The following FAM107B variants were observed in gnomAD, a reference collection of about 807,000 sequenced individuals.
FAM107B encodes family with sequence similarity 107 member B.
In FAM107B, 21 loss-of-function variants were observed where a neutral mutation model predicts 31.5. The ratio of observed to expected loss-of-function variants is 0.67; its 90% CI spans 0.47 to 0.96. The LOEUF is 0.96. Among genes scored for constraint, FAM107B ranks in the 40% least tolerant of loss-of-function variants. FAM107B has a pLI of 0.00. For missense variants in FAM107B, 452 were observed against 377.1 expected (o/e 1.20, Z -1.64); for synonymous variants, 157 against 141.5 (o/e 1.11, Z -0.78).
At chr10:14,635,203 TAGGGGTCAGTC>T in intron 2 of FAM107B, among the ~76,000 whole-genome samples, 1 of 148,396 alleles carries the variant, frequency 6.7e-6, no homozygotes, top group Non-Finnish European at 1.5e-5. Flanking sequence ...AGAACTAGGG[TAGGGGTCAGTC>T]AGGGGCCATG....
rs1158071761 is a variant in FAM107B, at chr10:14,632,942, T to C, written c.469+34692A>G. ...GGCCAGGCACAGTGGCTCACACCTG[T>C]AATCCCAGCACTTTGGGAAGCCAAG... is the stretch of plus-strand genomic sequence containing the variant. On this transcript the variant is annotated intron_variant, in intron 2 of 4. Coordinates refer to ENST00000181796, the MANE Select transcript of FAM107B (RefSeq NM_031453.4). Among the ~76,000 whole-genome samples the C allele has an allele frequency of 2.6e-5, 4 of 152,220 alleles. 1 individual carries two copies. The East Asian group carries it at 7.7e-4, about 29-fold the overall frequency.
intron 1 of FAM107B, among the ~76,000 whole-genome samples, chr10:14,765,869 G>C (rs1209379412): frequency 1.3e-5 from 2 of 152,158 alleles, no homozygotes; most frequent in African/African-American, 4.8e-5. Context: ...GTTTGTACCA[G>C]AAAATGGAAA....
At chr10:14,528,446 T>G (rs1444331148) in intron 3 of FAM107B, among the ~76,000 whole-genome samples, 3 of 152,170 alleles carry the variant, frequency 2.0e-5, no homozygotes, top group African/African-American at 7.2e-5. Flanking sequence ...CTTCTCAAAG[T>G]GGTGGGATTA....
intron 2 of FAM107B, among the ~76,000 whole-genome samples, chr10:14,621,639 C>G (rs1274507345): frequency 1.3e-5 from 2 of 152,224 alleles, no homozygotes; most frequent in African/African-American, 4.8e-5. Flanking sequence ...ATACATGGCC[C>G]TGAGAACTCC....
At chr10:14,749,984 T>C (rs75996519) in intron 1 of FAM107B, among the ~76,000 whole-genome samples, 7,415 of 152,146 alleles carry the variant, frequency 0.049, 355 homozygotes, top group African/African-American at 0.12. Flanking sequence ...TCAGAGGCCA[T>C]CTTGAAGAGC....
At chr10:14,579,789 C>T (rs1851575842) in intron 2 of FAM107B, among the ~76,000 whole-genome samples, 1 of 152,058 alleles carries the variant, frequency 6.6e-6, no homozygotes, top group African/African-American at 2.4e-5. Context: ...ATTTGGGAGG[C>T]TGAGGACAGA....
At chr10:14,568,244 GT>G (rs1426898398) in intron 2 of FAM107B, among the ~76,000 whole-genome samples, 4 of 151,838 alleles carry the variant, frequency 2.6e-5, no homozygotes, top group Admixed American at 6.6e-5. Context: ...CACATACAGG[GT>G]GGGAGAAGGT....
intron 1 of FAM107B, among the ~76,000 whole-genome samples, chr10:14,765,265 G>A (rs114431601): frequency 3.3e-4 from 50 of 152,216 alleles, no homozygotes; most frequent in African/African-American, 1.1e-3. Flanking sequence ...AATATAAGTC[G>A]ATGCCTTTCA....
At chr10:14,686,561 C>A (rs1854993755) in intron 1 of FAM107B, among the ~76,000 whole-genome samples, 1 of 152,104 alleles carries the variant, frequency 6.6e-6, no homozygotes, top group Non-Finnish European at 1.5e-5. Context: ...CTCAACAATG[C>A]CTCTGGTTTC....
At chr10:14,663,053 C>T (rs774417515) in intron 2 of FAM107B, among the ~76,000 whole-genome samples, 33 of 152,226 alleles carry the variant, frequency 2.2e-4, no homozygotes, top group Admixed American at 7.9e-4. Flanking sequence ...ATGCTGGATG[C>T]TTCCTGCCCT....
intron 2 of FAM107B, among the ~76,000 whole-genome samples, chr10:14,615,037 T>C (rs1852815931): frequency 6.6e-6 from 1 of 152,134 alleles, no homozygotes; most frequent in East Asian, 1.9e-4. Flanking sequence ...TTTTTAAAAA[T>C]GGCAGAAACT....
intron 2 of FAM107B, among the ~76,000 whole-genome samples, chr10:14,599,896 G>T (rs1588648282): frequency 6.7e-6 from 1 of 149,442 alleles, no homozygotes; most frequent in African/African-American, 2.5e-5. Flanking sequence ...TACATCTCAT[G>T]AATCTCAGAA....
intron 1 of FAM107B, among the ~76,000 whole-genome samples, chr10:14,671,872 T>A (rs1588696777): frequency 3.0e-5 from 1 of 33,568 alleles, no homozygotes; most frequent in Non-Finnish European, 9.7e-5. Flanking sequence ...CCCTTTTATT[T>A]AAAAAAAAAA....
chr10:14,761,877 G>A (rs966379613), intron 1 of FAM107B, among the ~76,000 whole-genome samples: 2 of 152,134 alleles, frequency 1.3e-5, no homozygotes, highest in Admixed American at 6.5e-5. Flanking sequence ...GAGATTACAG[G>A]CATCCGCCAC....
At chr10:14,595,233 G>A (rs1023611381) in intron 2 of FAM107B, among the ~76,000 whole-genome samples, 4 of 152,026 alleles carry the variant, frequency 2.6e-5, no homozygotes, top group South Asian at 2.1e-4. Context: ...AAATTATACC[G>A]CAATAAAGCT....
At chr10:14,715,504 A>C (rs1177337019) in intron 1 of FAM107B, among the ~76,000 whole-genome samples, 1 of 152,222 alleles carries the variant, frequency 6.6e-6, no homozygotes, top group Non-Finnish European at 1.5e-5. Flanking sequence ...TCTTGTGTCA[A>C]GTTGACTAGG....
intron 3 of FAM107B, among the ~76,000 whole-genome samples, chr10:14,527,570 T>C (rs1846426849): frequency 6.6e-6 from 1 of 152,258 alleles, no homozygotes; most frequent in Admixed American, 6.5e-5. Flanking sequence ...AAAACTATTA[T>C]GTAATCTTGA....
rs554554739 is a variant in FAM107B at position 14,568,272 on chromosome 10, G to C, written c.470-37757C>G. On this transcript the variant is annotated intron_variant, in intron 2 of 4. Coordinates refer to ENST00000181796, the MANE Select transcript of FAM107B (RefSeq NM_031453.4). The stretch of plus-strand genomic sequence containing the variant: ...GGAGAAGGTGCACTCCCATTCCCAA[G>C]GGAGCCAAGGCAGCACTGAACTCGG... 8.1e-4 allele frequency among the ~76,000 whole-genome samples: 118 copies of C among 146,092 alleles called. 1 individual carries two copies. The highest frequency in any genetic ancestry group is 2.6e-3 in the African/African-American group (105 of 39,860).
At chr10:14,692,486 A>G (rs1422227070) in intron 1 of FAM107B, among the ~76,000 whole-genome samples, 1 of 152,182 alleles carries the variant, frequency 6.6e-6, no homozygotes, top group Non-Finnish European at 1.5e-5. Flanking sequence ...GTGGCAAGCA[A>G]TATAAACGGT....
Sources: allele counts gnomAD v4.1 joint callset (sites outside exome capture counted in the v4.1 genomes callset), GRCh38; gene constraint gnomAD v4.1.1; transcripts MANE v1.5; gene names NCBI Gene and HGNC (gene_info 2026-07-23, HGNC 2026-07-21).